C17orf99: variants seen among roughly 807,000 people sequenced by gnomAD.
C17orf99 encodes chromosome 17 open reading frame 99.
A neutral mutation model predicts 22.6 loss-of-function variants in C17orf99; 18 were observed. The ratio of observed to expected loss-of-function variants is 0.80; its 90% CI spans 0.55 to 1.18. The LOEUF is 1.18. C17orf99 is among the 50% of genes most tolerant of loss of function. The pLI is 0.00. For missense variants in C17orf99, 328 were observed against 342.7 expected (o/e 0.96, Z 0.34); for synonymous variants, 147 against 136.6 (o/e 1.08, Z -0.53).
In C17orf99 at chr17:78,161,151, C is replaced by T; in HGVS notation, c.267C>T (p.Leu89=). The change falls in exon 3 of 5, where the codon CTC becomes CTT. Residue 89 remains leucine (L), a synonymous_variant. Coordinates refer to ENST00000340363, the MANE Select transcript of C17orf99 (RefSeq NM_001163075.2). ...EPASFNLNVT[L]KSSPDLLTYF... ...CCTCCTTCAACCTCAACGTCACACT[C>T]AAGTCCAGTCCAGACCTGCTCACCT... The T allele has an allele frequency of 3.9e-6, 6 of 1,551,844 alleles. No homozygotes were observed. Among genetic ancestry groups the T allele is most frequent in the South Asian group, 3.6e-5 (3 of 84,060 alleles).
chr17:78,153,516 G>A (rs1231760053), intron 2 of C17orf99, among the ~76,000 whole-genome samples: 1 of 152,012 alleles, frequency 6.6e-6, no homozygotes, highest in Non-Finnish European at 1.5e-5. Flanking sequence ...AATGTCCCTG[G>A]TACAGTGTAC....
chr17:78,150,860 A>G (rs946442763), intron 2 of C17orf99, among the ~76,000 whole-genome samples: 1 of 152,210 alleles, frequency 6.6e-6, no homozygotes, highest in Non-Finnish European at 1.5e-5. Context: ...ACAGTGGCTC[A>G]CGTCTGTAAT....
chr17:78,151,373 G>A (rs573547354), intron 2 of C17orf99, among the ~76,000 whole-genome samples: 2 of 135,972 alleles, frequency 1.5e-5, no homozygotes, highest in East Asian at 2.4e-4. Context: ...GCAGTGAGCC[G>A]AGATCGTGCC....
At position 78,149,622 on chromosome 17, in the gene C17orf99, C is replaced by T. The variant is rs111677762; in HGVS notation, c.70+2711C>T. Among the ~76,000 whole-genome samples, 1,179 of 152,284 alleles carry T rather than the reference C, an allele frequency of 7.7e-3. 9 individuals carry two copies. Among genetic ancestry groups the T allele is most frequent in the Non-Finnish European group, 1.0e-2 (677 of 68,026 alleles). On this transcript the variant is annotated intron_variant, in intron 2 of 4. Coordinates refer to ENST00000340363, the MANE Select transcript of C17orf99 (RefSeq NM_001163075.2). ...AATCACCGCTCACTGCAGCCTTAAC[C>T]GCCAGGGCTTAATCAATCCTCCTGC...
chr17:78,149,744 C>G (rs187872804), intron 2 of C17orf99, among the ~76,000 whole-genome samples: 9 of 151,290 alleles, frequency 5.9e-5, no homozygotes, highest in Admixed American at 5.9e-4. Flanking sequence ...GGGTCTCGCT[C>G]TGTCGCCCAG....
chr17:78,152,809 G>A (rs905808622), intron 2 of C17orf99, among the ~76,000 whole-genome samples: 3 of 151,844 alleles, frequency 2.0e-5, no homozygotes, highest in Non-Finnish European at 2.9e-5. Flanking sequence ...TAGGCCAGGC[G>A]GGTGGCTCAC....
intron 2 of C17orf99, among the ~76,000 whole-genome samples, chr17:78,156,446 G>T (rs1044010214): frequency 3.3e-5 from 5 of 151,332 alleles, no homozygotes; most frequent in Admixed American, 6.6e-5. Context: ...CCAAAACAGA[G>T]AAGTCACTCG....
intron 2 of C17orf99, among the ~76,000 whole-genome samples, chr17:78,147,353 G>A (rs11656744): frequency 0.15 from 23,029 of 152,188 alleles, 1,849 homozygotes; most frequent in Middle Eastern, 0.31. Context: ...CAGGAGGAGG[G>A]CCGTGAGAGG....
chr17:78,146,402 C>A lies in C17orf99; in HGVS notation c.-6C>A. On this transcript the variant is annotated 5_prime_UTR_variant, in exon 1 of 5. Coordinates refer to ENST00000340363, the MANE Select transcript of C17orf99 (RefSeq NM_001163075.2). The surrounding 1 kb of genome is among the most constrained non-coding windows in gnomAD (Gnocchi z 5.2). ...GCCCGAGCAGAGGCCCTACACCCAC[C>A]GAGGCATGGGGCTCCCTGGGCTGTT... The A allele has an allele frequency of 1.3e-6, 2 of 1,550,228 alleles. No homozygotes were observed. The highest frequency in any genetic ancestry group is 1.7e-6 in the Non-Finnish European group (2 of 1,146,796).
intron 2 of C17orf99, chr17:78,157,856 C>A: frequency 9.3e-7 from 1 of 1,072,100 alleles, no homozygotes; most frequent in Admixed American, 1.8e-5. Flanking sequence ...AGGCCGGCCA[C>A]GTAAGATCGT....
chr17:78,150,624 G>A (rs1389329672), intron 2 of C17orf99, among the ~76,000 whole-genome samples: 1 of 152,202 alleles, frequency 6.6e-6, no homozygotes, highest in Non-Finnish European at 1.5e-5. Context: ...TAGGGAAGGG[G>A]AAATGTCAAG....
chr17:78,161,027 C>T lies in C17orf99; in HGVS notation c.143C>T (p.Thr48Ile). ...VFPKGRWVLI[T>I]CCAPQPPPPI... ...CCCAAAGGCCGCTGGGTGCTCATAA[C>T]CTGCTGTGCACCCCAGCCACCACCG... Residue 48 changes from threonine (T) to isoleucine (I), a missense_variant, in exon 3 of 5, where the codon ACC (threonine) becomes ATC (isoleucine). Coordinates refer to ENST00000340363, the MANE Select transcript of C17orf99 (RefSeq NM_001163075.2). 5.2e-6 allele frequency: 8 copies of T among 1,551,400 alleles called. No individual in the cohort carries two copies. Among genetic ancestry groups the T allele is most frequent in the Non-Finnish European group, 7.0e-6 (8 of 1,146,720 alleles).
At chr17:78,155,597 CT>C (rs1459784446) in intron 2 of C17orf99, among the ~76,000 whole-genome samples, 1 of 151,944 alleles carries the variant, frequency 6.6e-6, no homozygotes, top group African/African-American at 2.4e-5. Context: ...TATTACGGGC[CT>C]GAGCTACTGT....
intron 2 of C17orf99, 156 bp from the exon 3 acceptor site, chr17:78,160,799 T>A: frequency 1.6e-6 from 1 of 633,456 alleles, no homozygotes; most frequent in Non-Finnish European, 2.7e-6. Context: ...GCTACACTGG[T>A]TTTGAACTCC....
rs576438408 is a variant in C17orf99 at position 78,154,636 on chromosome 17, C to T, written c.71-6319C>T. 1.2e-4 allele frequency among the ~76,000 whole-genome samples: 18 copies of T among 151,624 alleles called. 1 individual carries two copies. Among genetic ancestry groups the T allele is most frequent in the Admixed American group, 9.9e-4 (15 of 15,204 alleles). ...GGCAGGTGGATCACCTGAGGTTGGG[C>T]GTTTGAGACCAGCCTAACCAACATG... On this transcript the variant is annotated intron_variant, in intron 2 of 4. Coordinates refer to ENST00000340363, the MANE Select transcript of C17orf99 (RefSeq NM_001163075.2).
At chr17:78,164,468 G>A (rs768257304) in intron 4 of C17orf99, 104 bp downstream of exon 4, 12 of 1,546,098 alleles carry the variant, frequency 7.8e-6, no homozygotes, top group South Asian at 3.6e-5. Context: ...AGCTCTACCC[G>A]GCCACTGCTG....
rs1362523721 is a variant in C17orf99, at chr17:78,164,475, G to A, written c.640+111G>A. 4 of 1,544,796 alleles carry A rather than the reference G, an allele frequency of 2.6e-6. No homozygotes were observed. The South Asian group carries it at 4.8e-5, about 19-fold the overall frequency. On this transcript the variant is annotated intron_variant, in intron 4 of 4. Coordinates refer to ENST00000340363, the MANE Select transcript of C17orf99 (RefSeq NM_001163075.2). ...AGTGGGACAGCTCTACCCGGCCACT[G>A]CTGAGAGCAGAGAGGGCACAGGAGG... is the stretch of plus-strand genomic sequence containing the variant.
At chr17:78,155,393 C>T (rs1567818793) in intron 2 of C17orf99, among the ~76,000 whole-genome samples, 1 of 152,092 alleles carries the variant, frequency 6.6e-6, no homozygotes, top group Non-Finnish European at 1.5e-5. Context: ...CAATTCATGA[C>T]GTCGATGATA....
At chr17:78,152,700 T>C (rs562047509) in intron 2 of C17orf99, among the ~76,000 whole-genome samples, 2 of 151,292 alleles carry the variant, frequency 1.3e-5, no homozygotes, top group Admixed American at 6.6e-5. Flanking sequence ...CTCAAACTCC[T>C]GGGCTCAAGG....
Sources: allele counts gnomAD v4.1 joint callset (sites outside exome capture counted in the v4.1 genomes callset), GRCh38; gene constraint gnomAD v4.1.1; non-coding constraint Gnocchi (gnomAD v3.1); transcripts MANE v1.5; gene names NCBI Gene and HGNC (gene_info 2026-07-23, HGNC 2026-07-21).